EML1: variants seen among roughly 807,000 people sequenced by gnomAD.
EML1 encodes the protein EMAP like 1, also known as echinoderm microtubule-associated protein-like 1.
Under a neutral mutation model 110.4 loss-of-function variants are expected in EML1, and 27 were observed. The observed-to-expected ratio is 0.24, with a 90% CI of 0.18 to 0.34. EML1 has a LOEUF of 0.34. Among genes scored for constraint, EML1 ranks in the 10% least tolerant of loss-of-function variants. The pLI, the probability that EML1 is intolerant of heterozygous loss-of-function variation, is 1.00. For missense variants in EML1, 741 were observed against 1,030.9 expected (o/e 0.72, Z 3.85); for synonymous variants, 344 against 385.8 (o/e 0.89, Z 1.27).
intron 9 of EML1, among the ~76,000 whole-genome samples, chr14:99,903,785 A>AT (rs1211025934): frequency 0.18 from 18,138 of 103,118 alleles, 1,372 homozygotes; most frequent in African/African-American, 0.3. Flanking sequence ...AAATCTATTC[A>AT]TTTTTTTTTT....
intron 1 of EML1, among the ~76,000 whole-genome samples, chr14:99,838,185 A>G (rs1408383328): frequency 2.0e-5 from 3 of 152,242 alleles, no homozygotes; most frequent in Non-Finnish European, 2.9e-5. Flanking sequence ...TAATCAAATT[A>G]TTAAGTCAGG....
chr14:99,747,775 G>A (rs746824706), intron 1 of EML1, among the ~76,000 whole-genome samples: 21 of 152,168 alleles, frequency 1.4e-4, no homozygotes, highest in Non-Finnish European at 2.1e-4. Flanking sequence ...AAGCCACCAA[G>A]CCCACCCCTG....
chr14:99,793,172 C>A (rs1202446328), upstream of EML1, among the ~76,000 whole-genome samples: 1 of 147,404 alleles, frequency 6.8e-6, no homozygotes, highest in South Asian at 2.1e-4. Context: ...CCGCCCGGGC[C>A]GCGCTCCCCG....
intron 1 of EML1, among the ~76,000 whole-genome samples, chr14:99,764,791 G>A (rs555902195): frequency 2.0e-5 from 3 of 152,342 alleles, no homozygotes; most frequent in African/African-American, 7.2e-5. Context: ...ATAGACTTTT[G>A]GCATGGCCAG....
intron 3 of EML1, among the ~76,000 whole-genome samples, chr14:99,871,367 G>T (rs1245721417): frequency 6.6e-6 from 1 of 152,092 alleles, no homozygotes; most frequent in Non-Finnish European, 1.5e-5. Context: ...CATTTGTGGG[G>T]CCAAGCACAG....
intron 1 of EML1, among the ~76,000 whole-genome samples, chr14:99,739,081 TGTGTGTGTGTGA>T (rs1360209935): frequency 8.0e-6 from 1 of 125,522 alleles, no homozygotes; most frequent in East Asian, 2.2e-4. Context: ...TGTGTGTGTG[TGTGTGTGTGTGA>T]GAGAGAGAGA....
In EML1 at chr14:99,905,375, C is replaced by T. The variant is rs571649264; in HGVS notation, c.1009-2263C>T. On this transcript the variant is annotated intron_variant, in intron 9 of 21. Transcript: ENST00000262233. This position sits in a 1 kb window ranked among gnomAD's most constrained non-coding sequence, Gnocchi z 4.1. ...GGAGCTTCAACTTACGGTCTCTGGG[C>T]AAGATGGTGGCCCTGAGTAATAGAA... Among the ~76,000 whole-genome samples the T allele has an allele frequency of 3.3e-5, 5 of 152,038 alleles. No individual in the cohort carries two copies. Among genetic ancestry groups the T allele is most frequent in the Admixed American group, 6.6e-5 (1 of 15,260 alleles).
rs966507106 is a variant in EML1, at chr14:99,764,905, C to T, written c.28+27045C>T. Among the ~76,000 whole-genome samples, 2 of 152,016 alleles carry T rather than the reference C, an allele frequency of 1.3e-5. 1 individual carries two copies. Among genetic ancestry groups the T allele is most frequent in the East Asian group, 3.9e-4 (2 of 5,164 alleles). The stretch of plus-strand genomic sequence containing the variant: ...ATAGCAAAATATATAACAAAATTTA[C>T]TATCTTAATCGTTTTTGTTGTTGTT... On this transcript the variant is annotated intron_variant, in intron 1 of 10. Transcript: ENST00000554479.
intron 1 of EML1, among the ~76,000 whole-genome samples, chr14:99,746,975 C>G (rs1005682567): frequency 2.0e-5 from 3 of 152,236 alleles, no homozygotes; most frequent in South Asian, 2.1e-4. Flanking sequence ...TGCCTCCGCT[C>G]TATCGGGCGC....
At chr14:99,791,013 A>G (rs1300349841), upstream of EML1, among the ~76,000 whole-genome samples, 1 of 151,894 alleles carries the variant, frequency 6.6e-6, no homozygotes, top group Non-Finnish European at 1.5e-5. Flanking sequence ...GCACACCACC[A>G]TGTCTGGCTA....
In EML1 at chr14:99,911,080, T is replaced by C. The variant is rs557808867; in HGVS notation, c.1340-342T>C. 2.0e-5 allele frequency among the ~76,000 whole-genome samples: 3 copies of C among 152,146 alleles called. No individual in the cohort carries two copies. The South Asian group carries it at 6.2e-4, about 31-fold the overall frequency. On this transcript the variant is annotated intron_variant, in intron 12 of 21. Coordinates refer to ENST00000262233, the MANE Select transcript of EML1 (RefSeq NM_004434.3). ...TCCTGCAGGGTAAGCAGCAGCCCCA[T>C]TCCACCAAGGGGGAACTGAGGGTAG...
At position 99,920,805 on chromosome 14, in the gene EML1, A is replaced by G. The variant is rs909830618; in HGVS notation, c.1837A>G (p.Thr613Ala). ...TGATAACAGGTGGTTTGTGTTTGAC[A>G]CAGAAACAAAAGACTTGGTCACCGT... ...TLTGRWFVFDTETKDLVTVHT... is the reference protein window; with the variant it reads ...TLTGRWFVFDAETKDLVTVHT... The change falls in exon 17 of 22, where the codon ACA becomes GCA. Residue 613 changes from threonine to alanine, a missense_variant. By Grantham distance (58) the Thr-to-Ala change is moderately conservative (BLOSUM62 0). This residue lies in a region of EML1 where 388 missense variants were observed against 605.6 expected (regional missense o/e 0.64). Transcript: ENST00000262233. 1.2e-6 allele frequency: 2 copies of G among 1,613,464 alleles called. No homozygotes were observed. Among genetic ancestry groups the G allele is most frequent in the African/African-American group, 1.3e-5 (1 of 74,914 alleles).
intron 2 of EML1, among the ~76,000 whole-genome samples, chr14:99,854,804 G>A (rs1048002820): frequency 9.9e-5 from 15 of 152,090 alleles, no homozygotes; most frequent in African/African-American, 2.9e-4. Flanking sequence ...GAATCAAATC[G>A]TTCACGAAGG....
intron 16 of EML1, among the ~76,000 whole-genome samples, chr14:99,919,517 C>T (rs1466196995): frequency 6.6e-6 from 1 of 151,918 alleles, no homozygotes; most frequent in Non-Finnish European, 1.5e-5. Flanking sequence ...ACTCATCAGG[C>T]TCCCACCTTC....
intron 3 of EML1, among the ~76,000 whole-genome samples, chr14:99,876,555 T>G (rs1049107942): frequency 3.9e-5 from 6 of 152,228 alleles, no homozygotes; most frequent in African/African-American, 1.4e-4. Context: ...AGGGCTCTTC[T>G]GTCCTTGGTC....
intron 1 of EML1, among the ~76,000 whole-genome samples, chr14:99,815,494 CTTG>C (rs565440662): frequency 1.1e-3 from 173 of 152,256 alleles, no homozygotes; most frequent in African/African-American, 3.8e-3. Flanking sequence ...GATATGCCCC[CTTG>C]TTGTGTCATG....
intron 1 of EML1, among the ~76,000 whole-genome samples, chr14:99,787,058 A>G (rs1395137053): frequency 6.6e-6 from 1 of 152,162 alleles, no homozygotes; most frequent in Non-Finnish European, 1.5e-5. Flanking sequence ...CAGAGTGACC[A>G]TTTGTCAGGG....
At chr14:99,841,333 A>T (rs2058628994) in intron 1 of EML1, among the ~76,000 whole-genome samples, 1 of 152,218 alleles carries the variant, frequency 6.6e-6, no homozygotes, top group Non-Finnish European at 1.5e-5. Context: ...GAATATTCAT[A>T]ACAATGGATT....
chr14:99,857,352 A>G (rs1246872304), intron 2 of EML1, among the ~76,000 whole-genome samples: 5 of 152,218 alleles, frequency 3.3e-5, no homozygotes, highest in Non-Finnish European at 5.9e-5. Context: ...ATAATTTCTT[A>G]ATATCATTTA....
Sources: gnomAD v4.1 joint callset for allele counts (sites outside exome capture counted in the v4.1 genomes callset) on GRCh38, gnomAD v4.1.1 for gene constraint, gnomAD v4.1.1 regional missense constraint, Gnocchi (gnomAD v3.1) non-coding constraint, MANE v1.5 for transcripts, NCBI Gene and HGNC (gene_info 2026-07-23, HGNC 2026-07-21) for gene names.